MTFMT: variants seen among roughly 807,000 people sequenced by gnomAD.
MTFMT encodes mitochondrial methionyl-tRNA formyltransferase.
MTFMT carries 47 observed loss-of-function variants against 51.8 expected under a neutral mutation model. The ratio of observed to expected loss-of-function variants is 0.91; its 90% CI spans 0.72 to 1.16. The LOEUF is 1.16. Among genes scored for constraint, MTFMT ranks in the 50% most tolerant of loss-of-function variants. The pLI is 0.00. For missense variants in MTFMT, 512 were observed against 482.3 expected, an observed-to-expected ratio of 1.06 and a Z score of -0.58; for synonymous variants, 196 against 176.7, an observed-to-expected ratio of 1.11 and a Z score of -0.87.
rs1364618162 is a variant in MTFMT, at chr15:65,006,198, G to A, written c.814-7C>T. 1 of 1,608,540 alleles carries A rather than the reference G, an allele frequency of 6.2e-7. No homozygotes were observed. The highest frequency in any genetic ancestry group is 2.2e-5 in the East Asian group (1 of 44,708). Reference sequence around the variant, plus strand: ...AGAGCGTCTGCAACGGAATCTGCAAGTAAAATTAAAGAAGGTATGATAAAG... The same window carrying A: ...AGAGCGTCTGCAACGGAATCTGCAAATAAAATTAAAGAAGGTATGATAAAG... On this transcript the variant is annotated splice_polypyrimidine_tract_variant and splice_region_variant and intron_variant, in intron 6 of 8. Transcript: ENST00000220058.
intron 8 of MTFMT, among the ~76,000 whole-genome samples, chr15:65,003,722 G>A (rs1027466845): frequency 2.6e-5 from 4 of 151,702 alleles, no homozygotes; most frequent in Non-Finnish European, 2.9e-5. Context: ...CAGGCGTGGT[G>A]GCGGGTGCCT....
chr15:65,023,613 C>G, intron 3 of MTFMT, 59 bp downstream of exon 3: 1 of 1,576,034 alleles, frequency 6.3e-7, no homozygotes, highest in Non-Finnish European at 8.7e-7. Flanking sequence ...GCCCCCCAAA[C>G]AGGCTGACAT....
chr15:65,029,291 C>G, intron 1 of MTFMT, 114 bp downstream of exon 1: 1 of 1,324,214 alleles, frequency 7.6e-7, no homozygotes, highest in Non-Finnish European at 9.6e-7. Flanking sequence ...GGGCCCACAC[C>G]GCTCTGCCGC....
chr15:65,008,759 T>C (rs1438853464), intron 6 of MTFMT, among the ~76,000 whole-genome samples: 1 of 152,258 alleles, frequency 6.6e-6, no homozygotes, highest in Non-Finnish European at 1.5e-5. Context: ...ACTTTTCTTT[T>C]GCCCGCTTCA....
At chr15:65,021,223 T>C (rs746621835) in intron 4 of MTFMT, among the ~76,000 whole-genome samples, 1 of 152,038 alleles carries the variant, frequency 6.6e-6, no homozygotes, top group Non-Finnish European at 1.5e-5. Context: ...CATACCAGAG[T>C]GCGGAGAGTG....
chr15:65,025,775 T>C (rs2086417716), intron 2 of MTFMT, among the ~76,000 whole-genome samples: 1 of 152,106 alleles, frequency 6.6e-6, no homozygotes, highest in Admixed American at 6.6e-5. Context: ...GCAGTAGGTA[T>C]TAGGGGACTA....
In MTFMT at chr15:65,023,793, C is replaced by T; in HGVS notation, c.421G>A (p.Gly141Ser). The change falls in exon 3 of 9, where the codon GGC (glycine) becomes AGC (serine). Residue 141 changes from glycine to serine, a missense_variant and splice_region_variant. Coordinates refer to ENST00000220058, the MANE Select transcript of MTFMT (RefSeq NM_139242.4). Reference sequence around the variant, plus strand: ...CAACTGGGATGAACATTCAATATGCCACTGAGTTAGAAAATGTAGAAATTA... The same window carrying T: ...CAACTGGGATGAACATTCAATATGCTACTGAGTTAGAAAATGTAGAAATTA... ...NEALILKFPY[G>S]ILNVHPSCLP... 2 of 1,610,218 alleles carry T rather than the reference C, an allele frequency of 1.2e-6. No individual in the cohort carries two copies. The highest frequency in any genetic ancestry group is 1.7e-6 in the Non-Finnish European group (2 of 1,177,736).
intron 1 of MTFMT, among the ~76,000 whole-genome samples, chr15:65,028,904 CAAGGAGCACAG>C (rs1006979434): frequency 6.6e-6 from 1 of 151,940 alleles, no homozygotes; most frequent in Non-Finnish European, 1.5e-5. Context: ...TCCTTGTATA[CAAGGAGCACAG>C]GGGGAGCAAA....
At position 65,025,567 on chromosome 15, in the gene MTFMT, C is replaced by CAGAT. The variant is rs578254758; in HGVS notation, c.419+1263_419+1264insATCT. Among the ~76,000 whole-genome samples, 854 of 152,226 alleles carry CAGAT rather than the reference C, an allele frequency of 5.6e-3. 46 individuals carry two copies. In the South Asian group the frequency reaches 0.12, roughly 22 times the overall value. ...AGTGATGAGATACAGACAGATTCTA[C>CAGAT]ACAGATTTTGAAGGCAGAGCCAATA... On this transcript the variant is annotated intron_variant, in intron 2 of 8. Transcript: ENST00000220058.
At chr15:65,021,289 T>C (rs545693369) in intron 4 of MTFMT, among the ~76,000 whole-genome samples, 2 of 152,354 alleles carry the variant, frequency 1.3e-5, no homozygotes, top group Non-Finnish European at 2.9e-5. Flanking sequence ...TCATGTAAGA[T>C]CACCTGTTTC....
At chr15:65,004,463 A>G (rs554020356) in intron 8 of MTFMT, among the ~76,000 whole-genome samples, 2 of 152,326 alleles carry the variant, frequency 1.3e-5, no homozygotes, top group South Asian at 4.1e-4. Context: ...AAGTTCAGAA[A>G]TCTCCTCTTT....
At chr15:65,028,094 G>A (rs1428690974) in intron 1 of MTFMT, among the ~76,000 whole-genome samples, 1 of 152,172 alleles carries the variant, frequency 6.6e-6, no homozygotes, top group Non-Finnish European at 1.5e-5. Flanking sequence ...AAGCACAGGA[G>A]TAATGGAGCT....
intron 6 of MTFMT, among the ~76,000 whole-genome samples, chr15:65,007,532 G>A (rs1018005350): frequency 1.3e-5 from 2 of 152,086 alleles, no homozygotes; most frequent in East Asian, 1.9e-4. Flanking sequence ...TAACCTTGTC[G>A]ATATATCTTT....
intron 6 of MTFMT, among the ~76,000 whole-genome samples, chr15:65,014,015 T>C (rs1356528510): frequency 1.3e-5 from 2 of 152,156 alleles, no homozygotes; most frequent in African/African-American, 4.8e-5. Flanking sequence ...ATAATCCTTT[T>C]TTATATGTTG....
chr15:65,005,283 C>T (rs575373071), intron 7 of MTFMT, among the ~76,000 whole-genome samples: 78 of 152,282 alleles, frequency 5.1e-4, no homozygotes, highest in African/African-American at 1.8e-3. Flanking sequence ...GCCCTTTCAT[C>T]CCTGCCCAAA....
chr15:65,003,671 A>G (rs946264099), intron 8 of MTFMT, among the ~76,000 whole-genome samples: 11 of 151,922 alleles, frequency 7.2e-5, no homozygotes, highest in Non-Finnish European at 1.0e-4. Context: ...AGCCTGACCA[A>G]CATGGCGAAA....
rs192685874 is a variant in MTFMT at position 65,010,516 on chromosome 15, C to T, written c.814-4325G>A. Among the ~76,000 whole-genome samples the T allele has an allele frequency of 3.2e-4, 49 of 152,218 alleles. 1 individual carries two copies. Among genetic ancestry groups the T allele is most frequent in the Middle Eastern group, 6.8e-3 (2 of 294 alleles). On this transcript the variant is annotated intron_variant, in intron 6 of 8. Coordinates refer to ENST00000220058, the MANE Select transcript of MTFMT (RefSeq NM_139242.4). The stretch of plus-strand genomic sequence containing the variant: ...ACTTAGCATATTTTTCAGGTTCATC[C>T]ATGTCATAAGCATGTGATTATGGTT...
rs750126942 is a variant in MTFMT at position 65,016,431 on chromosome 15, C to T, written c.813+5G>A. ...GTAGAACTGCAACCTGACTTCCCAA[C>T]TTACTATATTTCCAATGGCACGGTA... On this transcript the variant is annotated splice_donor_5th_base_variant and intron_variant, in intron 6 of 8. Coordinates refer to ENST00000220058, the MANE Select transcript of MTFMT (RefSeq NM_139242.4). 13 of 1,588,668 alleles carry T rather than the reference C, an allele frequency of 8.2e-6. No individual in the cohort carries two copies. The highest frequency in any genetic ancestry group is 1.1e-5 in the Non-Finnish European group (13 of 1,162,560).
chr15:65,017,290 C>T (rs1022374249), intron 5 of MTFMT, among the ~76,000 whole-genome samples: 6 of 151,788 alleles, frequency 4.0e-5, no homozygotes, highest in Non-Finnish European at 8.8e-5. Flanking sequence ...AAAAGAAATG[C>T]AAATAGTTCT....
Sources: allele counts gnomAD v4.1 joint callset (sites outside exome capture counted in the v4.1 genomes callset), GRCh38; gene constraint gnomAD v4.1.1; transcripts MANE v1.5; gene names NCBI Gene and HGNC (gene_info 2026-07-23, HGNC 2026-07-21).